SPEN: variants seen among roughly 807,000 people sequenced by gnomAD.
The protein encoded by SPEN is msx2-interacting protein.
In SPEN, 18 loss-of-function variants were observed where a neutral mutation model predicts 269.9. The ratio of observed to expected loss-of-function variants is 0.07; its 90% confidence interval spans 0.05 to 0.10. SPEN has a LOEUF of 0.10. Among genes scored for constraint, SPEN ranks in the 10% least tolerant of loss-of-function variants. The pLI is 1.00. For synonymous variants in SPEN, 1,726 were observed against 1,765.7 expected, an observed-to-expected ratio of 0.98 and a Z score of 0.56; for missense variants, 3,822 against 4,631.2, an observed-to-expected ratio of 0.83 and a Z score of 5.07.
At chr1:15,887,439 G>A (rs923470359) in intron 3 of SPEN, among the ~76,000 whole-genome samples, 7 of 151,170 alleles carry the variant, frequency 4.6e-5, no homozygotes, top group Non-Finnish European at 1.0e-4. Context: ...CCGCCACCAC[G>A]CCCAGCTAAT....
Position 15,932,712 on chromosome 1 carries a change from C to G in SPEN, c.6472C>G (p.Pro2158Ala), listed in dbSNP as rs753484186. 3.8e-5 allele frequency: 61 copies of G among 1,614,040 alleles called. 1 individual carries two copies. Among genetic ancestry groups the G allele is most frequent in the Non-Finnish European group, 4.9e-5 (58 of 1,180,050 alleles). ...GAAAGAAGACGTGTCTGCCTCTGGG[C>G]CGTCCCCAGAAGCCACCCAGTTAGC... ...PEKEDVSASG[P>A]SPEATQLAKQ... Residue 2158 changes from proline (P) to alanine (A), a missense_variant, in exon 11 of 15, where the codon CCG becomes GCG. Transcript: ENST00000375759. The surrounding 1 kb of genome is among the most constrained non-coding windows in gnomAD (Gnocchi z 4.2).
chr1:15,904,479 T>TAAAAAAAAAAAAAAAA (rs1557750239), intron 3 of SPEN, among the ~76,000 whole-genome samples: 26 of 81,088 alleles, frequency 3.2e-4, no homozygotes, highest in Admixed American at 7.8e-4. Context: ...AAAAAAAAAG[T>TAAAAAAAAAAAAAAAA]GAACTAAAAA....
Position 15,939,932 on chromosome 1 carries a change from G to T in SPEN, c.*505G>T, listed in dbSNP as rs541882913. On this transcript the variant is annotated 3_prime_UTR_variant, in exon 15 of 15. Coordinates refer to ENST00000375759, the MANE Select transcript of SPEN (RefSeq NM_015001.3). The surrounding 1 kb of genome is among the most constrained non-coding windows in gnomAD (Gnocchi z 4.1). ...CTTGGGGTCAAGGAACATTTCATTGGTTTTTTTTGTCCACCCCCATCTCCC... is the reference window on the plus strand; with the variant it reads ...CTTGGGGTCAAGGAACATTTCATTGTTTTTTTTTGTCCACCCCCATCTCCC... 14 of 232,274 alleles carry T rather than the reference G, an allele frequency of 6.0e-5. No homozygotes were observed. The highest frequency in any genetic ancestry group is 8.9e-5 in the African/African-American group (4 of 45,186). 14.4% of individuals were successfully genotyped at this position (232,274 alleles called of 1,614,324 possible).
chr1:15,929,090 AGTG>A lies in SPEN; in HGVS notation c.2855_2857del (p.Val952del). On this transcript the variant is annotated inframe_deletion, in exon 11 of 15. Transcript: ENST00000375759. The surrounding 1 kb of genome is among the most constrained non-coding windows in gnomAD (Gnocchi z 5.8). ...AAAAGGGGCTTTCAAGCCATGTTGA[AGTG>A]GTGGAGAAGGAAGGCAGGCTTAAAG... 1 of 1,614,206 alleles carries A rather than the reference AGTG, an allele frequency of 6.2e-7. No individual in the cohort carries two copies. Among genetic ancestry groups the A allele is most frequent in the Admixed American group, 1.7e-5 (1 of 60,028 alleles).
At chr1:15,892,410 A>G (rs1375248200) in intron 3 of SPEN, among the ~76,000 whole-genome samples, 1 of 152,206 alleles carries the variant, frequency 6.6e-6, no homozygotes, top group Non-Finnish European at 1.5e-5. Context: ...TCTAGAAGCA[A>G]GCTCTATTAA....
chr1:15,919,562 C>A, intron 8 of SPEN, 45 bp downstream of exon 8: 1 of 1,205,376 alleles, frequency 8.3e-7, no homozygotes, highest in Non-Finnish European at 1.2e-6. Flanking sequence ...CTGACTCACT[C>A]GTCTTGGTAT....
At chr1:15,864,867 G>C (rs551605464) in intron 1 of SPEN, among the ~76,000 whole-genome samples, 115 of 151,658 alleles carry the variant, frequency 7.6e-4, no homozygotes, top group African/African-American at 2.6e-3. Flanking sequence ...AGTAGAGAAG[G>C]GGGTAGGGTG....
chr1:15,912,274 A>G (rs2071019404), intron 5 of SPEN, among the ~76,000 whole-genome samples: 1 of 152,156 alleles, frequency 6.6e-6, no homozygotes, highest in Admixed American at 6.6e-5. Flanking sequence ...AGGCTCTTTA[A>G]CCCTGCCCCA....
chr1:15,939,501 C>A lies in SPEN; in HGVS notation c.*74C>A. The A allele has an allele frequency of 6.9e-7, 1 of 1,453,226 alleles. No homozygotes were observed. Among genetic ancestry groups the A allele is most frequent in the Non-Finnish European group, 9.1e-7 (1 of 1,095,214 alleles). The allele number at this position is 1,453,226 out of a possible 1,614,324, so 90.0% of individuals were successfully genotyped here. The stretch of plus-strand genomic sequence containing the variant: ...AAAAACAAAGGACAACCCAGCCAAG[C>A]AGAGGAAGAAGCTGCCGAAGGGGAC... On this transcript the variant is annotated 3_prime_UTR_variant, in exon 15 of 15. Coordinates refer to ENST00000375759, the MANE Select transcript of SPEN (RefSeq NM_015001.3). The surrounding 1 kb of genome is among the most constrained non-coding windows in gnomAD (Gnocchi z 4.1).
Position 15,928,805 on chromosome 1 carries a change from T to A in SPEN, c.2565T>A (p.Asn855Lys), listed in dbSNP as rs142778574. 1.2e-6 allele frequency: 2 copies of A among 1,613,854 alleles called. No individual in the cohort carries two copies. The highest frequency in any genetic ancestry group is 2.2e-5 in the South Asian group (2 of 91,070). ...EQSPEKPRSC[N>K]KLSREKADKE... ...GCCCTGAAAAGCCCAGGAGTTGTAA[T>A]AAACTGAGCAGAGAGAAAGCTGACA... is the stretch of plus-strand genomic sequence containing the variant. The change falls in exon 11 of 15, where the codon AAT becomes AAA. Residue 855 changes from asparagine to lysine, a missense_variant. By Grantham distance (94) the Asn-to-Lys change is moderately conservative. Around this residue, in one of 16 missense-constraint regions of SPEN, gnomAD observed 572 missense variants for 582.6 expected, o/e 0.98. Coordinates refer to ENST00000375759, the MANE Select transcript of SPEN (RefSeq NM_015001.3). The surrounding 1 kb of genome is among the most constrained non-coding windows in gnomAD (Gnocchi z 5.7).
chr1:15,932,659 A>G lies in SPEN; in HGVS notation c.6419A>G (p.Asp2140Gly). The G allele has an allele frequency of 6.2e-7, 1 of 1,613,566 alleles. No homozygotes were observed. Among genetic ancestry groups the G allele is most frequent in the Non-Finnish European group, 8.5e-7 (1 of 1,179,752 alleles). Reference sequence around the variant, plus strand: ...GGTTTATCATCCCAGTTGAAAAGTGATCCAGTTGATCCAGACAAGGAACCA... The same window carrying G: ...GGTTTATCATCCCAGTTGAAAAGTGGTCCAGTTGATCCAGACAAGGAACCA... ...EDGLSSQLKSDPVDPDKEPEK... is the reference protein window; with the variant it reads ...EDGLSSQLKSGPVDPDKEPEK... Residue 2140 changes from aspartate to glycine, a missense_variant, in exon 11 of 15, where the codon GAT (aspartate) becomes GGT (glycine). Transcript: ENST00000375759. This position sits in a 1 kb window ranked among gnomAD's most constrained non-coding sequence, Gnocchi z 4.2.
intron 3 of SPEN, among the ~76,000 whole-genome samples, chr1:15,891,501 G>A (rs1224905625): frequency 6.6e-6 from 1 of 151,226 alleles, no homozygotes; most frequent in African/African-American, 2.4e-5. Context: ...ACAGGCACCC[G>A]CCACCACGCC....
intron 1 of SPEN, among the ~76,000 whole-genome samples, chr1:15,856,759 G>T (rs1242104127): frequency 6.6e-6 from 1 of 151,456 alleles, no homozygotes; most frequent in African/African-American, 2.4e-5. Flanking sequence ...ATAGAGACGG[G>T]GTTTCACCAT....
At chr1:15,861,316 G>A (rs780499871) in intron 1 of SPEN, among the ~76,000 whole-genome samples, 11 of 151,878 alleles carry the variant, frequency 7.2e-5, no homozygotes, top group Non-Finnish European at 1.3e-4. Flanking sequence ...ATTTTTAGTA[G>A]TAACGGGGTT....
At chr1:15,857,216 C>A (rs1488635299) in intron 1 of SPEN, among the ~76,000 whole-genome samples, 1 of 152,124 alleles carries the variant, frequency 6.6e-6, no homozygotes, top group Non-Finnish European at 1.5e-5. Context: ...AGGCGCACAC[C>A]ACCATACTCG....
At chr1:15,873,241 C>G in intron 2 of SPEN, 105 bp downstream of exon 2, 2 of 1,423,288 alleles carry the variant, frequency 1.4e-6, no homozygotes, top group Non-Finnish European at 1.8e-6. Flanking sequence ...TGGGCATTCT[C>G]AATGTTTCCT....
In SPEN at chr1:15,934,155, T is replaced by C. The variant is rs1215398039; in HGVS notation, c.7915T>C (p.Leu2639=). ...CCTGGAAAATTCACAGAAGATAACCTTGGCAAAACCAGCTCCTCAAACCCT... is the reference window on the plus strand; with the variant it reads ...CCTGGAAAATTCACAGAAGATAACCCTGGCAAAACCAGCTCCTCAAACCCT... ...IDLENSQKIT[L]AKPAPQTLTG... Residue 2639 remains leucine (L), a synonymous_variant, in exon 11 of 15, where the codon TTG becomes CTG. Transcript: ENST00000375759. This position sits in a 1 kb window ranked among gnomAD's most constrained non-coding sequence, Gnocchi z 9.2. 1 of 1,614,146 alleles carries C rather than the reference T, an allele frequency of 6.2e-7. No individual in the cohort carries two copies. Among genetic ancestry groups the C allele is most frequent in the Non-Finnish European group, 8.5e-7 (1 of 1,180,032 alleles).
At chr1:15,921,940 C>G (rs2071123324) in intron 9 of SPEN, among the ~76,000 whole-genome samples, 1 of 152,204 alleles carries the variant, frequency 6.6e-6, no homozygotes, top group African/African-American at 2.4e-5. Context: ...GTTTTGGCAA[C>G]AGAGATTGCT....
At chr1:15,919,374 A>G (rs775999789) in intron 7 of SPEN, 30 bp from the exon 8 acceptor site, 19 of 1,419,364 alleles carry the variant, frequency 1.3e-5, no homozygotes, top group Non-Finnish European at 1.9e-6. Context: ...TGTGAACTTT[A>G]CTAATAGAAA....
Sources: gnomAD v4.1 joint callset for allele counts (sites outside exome capture counted in the v4.1 genomes callset) on GRCh38, gnomAD v4.1.1 for gene constraint, gnomAD v4.1.1 regional missense constraint, Gnocchi (gnomAD v3.1) non-coding constraint, MANE v1.5 for transcripts, NCBI Gene and HGNC (gene_info 2026-07-23, HGNC 2026-07-21) for gene names.